The following KAZN variants were observed in gnomAD, a reference collection of about 807,000 sequenced individuals.
KAZN encodes kazrin, periplakin interacting protein.
A neutral mutation model predicts 87.4 loss-of-function variants in KAZN; 40 were observed. That is an observed-to-expected ratio of 0.46 (90% confidence interval 0.36 to 0.60). KAZN has a LOEUF of 0.60. Ranked by LOEUF, KAZN falls within the 20% of genes least tolerant of loss-of-function variation. The pLI is 0.00. For synonymous variants in KAZN, 466 were observed against 458.3 expected, an observed-to-expected ratio of 1.02 and a Z score of -0.22; for missense variants, 898 against 1,073.9, an observed-to-expected ratio of 0.84 and a Z score of 2.29.
intron 2 of KAZN, among the ~76,000 whole-genome samples, chr1:14,263,746 T>C (rs1651260093): frequency 1.3e-5 from 2 of 152,230 alleles, no homozygotes; most frequent in Non-Finnish European, 2.9e-5. Flanking sequence ...GCTAAATAGT[T>C]ATCAAAGAAT....
intron 1 of KAZN, among the ~76,000 whole-genome samples, chr1:14,806,976 G>A (rs891815410): frequency 6.6e-6 from 1 of 152,204 alleles, no homozygotes; most frequent in Non-Finnish European, 1.5e-5. Flanking sequence ...TGCAGCTAGG[G>A]ATCTGCATGG....
intron 2 of KAZN, among the ~76,000 whole-genome samples, chr1:14,394,546 T>C (rs111291597): frequency 3.6e-4 from 53 of 146,922 alleles, no homozygotes; most frequent in African/African-American, 1.5e-3. Flanking sequence ...CGTTATCACA[T>C]ATGACTGTCA....
At chr1:14,953,026 G>A (rs1662680920) in intron 1 of KAZN, among the ~76,000 whole-genome samples, 1 of 151,770 alleles carries the variant, frequency 6.6e-6, no homozygotes, top group Admixed American at 6.5e-5. Context: ...CTGAGCCCCA[G>A]CTGGCTGACC....
intron 1 of KAZN, among the ~76,000 whole-genome samples, chr1:14,179,590 G>A (rs527727173): frequency 6.6e-6 from 1 of 152,328 alleles, no homozygotes; most frequent in African/African-American, 2.4e-5. Flanking sequence ...TGGCTTTATG[G>A]AGAATGCCTA....
intron 1 of KAZN, among the ~76,000 whole-genome samples, chr1:14,012,585 C>T (rs971596559): frequency 2.4e-4 from 37 of 152,264 alleles, no homozygotes; most frequent in African/African-American, 6.5e-4. Flanking sequence ...GAGGGTGACG[C>T]GGGTGGATCA....
chr1:13,994,756 A>G (rs184289190), intron 1 of KAZN, among the ~76,000 whole-genome samples: 92 of 152,318 alleles, frequency 6.0e-4, no homozygotes, highest in Middle Eastern at 3.4e-3. Context: ...TGTCTGAAGG[A>G]TAAGTAAGGT....
At chr1:14,128,083 G>A (rs1233781520) in intron 1 of KAZN, among the ~76,000 whole-genome samples, 2 of 152,208 alleles carry the variant, frequency 1.3e-5, no homozygotes, top group Non-Finnish European at 1.5e-5. Flanking sequence ...GTTAGGCAGA[G>A]CTCAGTGAAG....
At chr1:14,523,144 G>A (rs1293528691) in intron 2 of KAZN, among the ~76,000 whole-genome samples, 2 of 152,166 alleles carry the variant, frequency 1.3e-5, no homozygotes, top group African/African-American at 4.8e-5. Context: ...GTGAGGCTGG[G>A]AGGCACCTCA....
chr1:14,526,920 G>A (rs1404799128), intron 2 of KAZN, among the ~76,000 whole-genome samples: 6 of 152,288 alleles, frequency 3.9e-5, no homozygotes, highest in African/African-American at 4.8e-5. Context: ...GTTATAGTGC[G>A]GAGTTCTTGC....
intron 2 of KAZN, among the ~76,000 whole-genome samples, chr1:15,007,588 G>T (rs531120950): frequency 6.6e-6 from 1 of 152,210 alleles, no homozygotes; most frequent in African/African-American, 2.4e-5. Context: ...CTGGTGGGAC[G>T]CAAGGTGGGC....
chr1:14,983,432 G>A (rs552865569), intron 2 of KAZN, among the ~76,000 whole-genome samples: 1 of 152,296 alleles, frequency 6.6e-6, no homozygotes. Context: ...AACCCCTAAA[G>A]TACACCAGCT....
rs1169921344 is a variant in KAZN at position 14,413,593 on chromosome 1, GAAAAAAAAAAA to G, written c.250-185374_250-185364del. The stretch of plus-strand genomic sequence containing the variant: ...AACAGTGTGAAACTCCGTCTCAAAA[GAAAAAAAAAAA>G]AAAAAAAAAAAAAAACGCATTTAAG... On this transcript the variant is annotated intron_variant, in intron 2 of 16. Transcript: ENST00000636203. Among the ~76,000 whole-genome samples the G allele has an allele frequency of 2.9e-4, 19 of 66,096 alleles. 1 individual carries two copies. The South Asian group carries it at 4.0e-3, about 14-fold the overall frequency. 43.4% of individuals were successfully genotyped at this position (66,096 alleles called of 152,430 possible). A position where few individuals can be genotyped will look rare whatever the true frequency, so the allele number is the denominator to read the frequency against.
chr1:15,102,287 G>T (rs1392942674), intron 11 of KAZN, among the ~76,000 whole-genome samples: 1 of 152,142 alleles, frequency 6.6e-6, no homozygotes, highest in East Asian at 1.9e-4. Flanking sequence ...TCTTCAGGGG[G>T]CTCAGGGATG....
intron 2 of KAZN, among the ~76,000 whole-genome samples, chr1:14,310,700 C>T (rs947470405): frequency 2.0e-5 from 3 of 152,220 alleles, no homozygotes; most frequent in Non-Finnish European, 2.9e-5. Context: ...AGCGTTTCGT[C>T]TGTGCTTGCA....
chr1:14,246,184 G>A (rs1442804008), intron 2 of KAZN, among the ~76,000 whole-genome samples: 1 of 152,122 alleles, frequency 6.6e-6, no homozygotes, highest in Non-Finnish European at 1.5e-5. Flanking sequence ...GGGAGATGTT[G>A]GGGATGGGAG....
intron 1 of KAZN, among the ~76,000 whole-genome samples, chr1:13,954,241 C>CCAAA (rs1033012773): frequency 3.9e-4 from 59 of 152,282 alleles, no homozygotes; most frequent in African/African-American, 1.3e-3. Context: ...AACCAACCAA[C>CCAAA]CAAACAAACA....
In KAZN at chr1:15,094,733, C is replaced by G; in HGVS notation, c.1429-82C>G. 1.0e-6 allele frequency: 1 copy of G among 984,618 alleles called. No individual in the cohort carries two copies. The highest frequency in any genetic ancestry group is 1.5e-5 in the South Asian group (1 of 67,088). 61.0% of individuals were successfully genotyped at this position (984,618 alleles called of 1,614,324 possible). ...GTGGGCAGGAGATGGGGAAGGAGCC[C>G]CATGTCAACAGACCCCCTCTAGGGC... On this transcript the variant is annotated intron_variant, in intron 9 of 14. Transcript: ENST00000376030. The surrounding 1 kb of genome is among the most constrained non-coding windows in gnomAD (Gnocchi z 4.5).
chr1:14,668,563 C>T (rs1252430068), intron 1 of KAZN, among the ~76,000 whole-genome samples: 1 of 152,158 alleles, frequency 6.6e-6, no homozygotes, highest in African/African-American at 2.4e-5. Context: ...CGAATCCCTT[C>T]TTCCTGTTTC....
At chr1:14,675,817 T>G (rs905854841) in intron 1 of KAZN, among the ~76,000 whole-genome samples, 1 of 152,224 alleles carries the variant, frequency 6.6e-6, no homozygotes, top group Admixed American at 6.5e-5. Context: ...TAGCCAAGGT[T>G]GTTCTCAGAG....
Sources: gnomAD v4.1 joint callset for allele counts (sites outside exome capture counted in the v4.1 genomes callset) on GRCh38, gnomAD v4.1.1 for gene constraint, Gnocchi (gnomAD v3.1) non-coding constraint, MANE v1.5 for transcripts, NCBI Gene and HGNC (gene_info 2026-07-23, HGNC 2026-07-21) for gene names.